Variants in XKR6 observed in about 807,000 individuals in gnomAD.
XKR6 encodes the protein XK-related protein 6.
In XKR6, 22 loss-of-function variants were observed where a neutral mutation model predicts 56.7. That is an observed-to-expected ratio of 0.39 (90% CI 0.28 to 0.55). The LOEUF is 0.55. Ranked by LOEUF, XKR6 falls within the 20% of genes least tolerant of loss-of-function variation. The probability of loss-of-function intolerance (pLI) is 0.66; values close to 1 mark genes in which losing one functional copy is unlikely to be tolerated. For missense variants in XKR6, 852 were observed against 889.0 expected (o/e 0.96, Z 0.53); for synonymous variants, 524 against 387.8 (o/e 1.35, Z -4.13).
intron 1 of XKR6, among the ~76,000 whole-genome samples, chr8:11,085,439 GGTGTGT>G (rs142775403): frequency 6.6e-6 from 1 of 151,096 alleles, no homozygotes; most frequent in Non-Finnish European, 1.5e-5. Context: ...AGGTGAAAGA[GGTGTGT>G]GTGTGTGTGT....
chr8:11,094,756 T>C (rs1798213929), intron 1 of XKR6, among the ~76,000 whole-genome samples: 1 of 152,182 alleles, frequency 6.6e-6, no homozygotes, highest in Non-Finnish European at 1.5e-5. Flanking sequence ...AATGTCATCA[T>C]CAGCATCATC....
chr8:11,166,535 A>G (rs977261246), intron 1 of XKR6, among the ~76,000 whole-genome samples: 1 of 152,118 alleles, frequency 6.6e-6, no homozygotes, highest in South Asian at 2.1e-4. Flanking sequence ...TCTAATATTT[A>G]GTGCATTTAA....
intron 1 of XKR6, among the ~76,000 whole-genome samples, chr8:10,982,228 G>C (rs1586388630): frequency 6.6e-6 from 1 of 152,238 alleles, no homozygotes; most frequent in South Asian, 2.1e-4. Flanking sequence ...AAAGATAAGA[G>C]AACGGCACTT....
chr8:11,127,124 T>G (rs552103825), intron 1 of XKR6, among the ~76,000 whole-genome samples: 10 of 152,176 alleles, frequency 6.6e-5, no homozygotes, highest in Non-Finnish European at 1.3e-4. Context: ...CATCATCACT[T>G]TCATGAATAA....
At chr8:11,199,669 G>C (rs968860639) in intron 1 of XKR6, among the ~76,000 whole-genome samples, 2 of 152,236 alleles carry the variant, frequency 1.3e-5, no homozygotes, top group Admixed American at 1.3e-4. Context: ...AGTTTAGCCA[G>C]TGAGGCAGTC....
chr8:11,151,940 T>A (rs1005676173), intron 1 of XKR6, among the ~76,000 whole-genome samples: 7 of 152,030 alleles, frequency 4.6e-5, no homozygotes, highest in African/African-American at 1.7e-4. Flanking sequence ...CAAGTCCCGT[T>A]CAAAAGGATA....
intron 1 of XKR6, among the ~76,000 whole-genome samples, chr8:11,177,679 T>C (rs747604242): frequency 6.6e-6 from 1 of 152,224 alleles, no homozygotes; most frequent in Non-Finnish European, 1.5e-5. Context: ...AGGTAGATGC[T>C]GAGGTTAGAC....
intron 1 of XKR6, among the ~76,000 whole-genome samples, chr8:10,951,174 G>A (rs1220115244): frequency 6.6e-6 from 1 of 152,168 alleles, no homozygotes; most frequent in African/African-American, 2.4e-5. Flanking sequence ...CCCTGCCCTT[G>A]GAACTCAGTT....
At chr8:10,943,093 A>C (rs944467297) in intron 1 of XKR6, among the ~76,000 whole-genome samples, 2 of 152,166 alleles carry the variant, frequency 1.3e-5, no homozygotes, top group Non-Finnish European at 2.9e-5. Context: ...CCTGCCTGCC[A>C]TTCACTCTGC....
intron 1 of XKR6, among the ~76,000 whole-genome samples, chr8:11,167,073 G>C (rs900107837): frequency 6.6e-6 from 1 of 152,100 alleles, no homozygotes; most frequent in Admixed American, 6.5e-5. Flanking sequence ...ACTACTGCAA[G>C]AGAACAAGGC....
chr8:11,047,288 C>T (rs73196901), intron 1 of XKR6, among the ~76,000 whole-genome samples: 24,306 of 152,166 alleles, frequency 0.16, 2,070 homozygotes, highest in Non-Finnish European at 0.19. Context: ...TTGTCAACTA[C>T]ACCTCAATAA....
rs182888490 is a variant in XKR6 at position 11,113,357 on chromosome 8, C to T, written c.764+87219G>A. Among the ~76,000 whole-genome samples, 4 of 152,126 alleles carry T rather than the reference C, an allele frequency of 2.6e-5. No individual in the cohort carries two copies. In the East Asian group the frequency reaches 7.7e-4, roughly 29 times the overall value. On this transcript the variant is annotated intron_variant, in intron 1 of 2. Coordinates refer to ENST00000416569, the MANE Select transcript of XKR6 (RefSeq NM_173683.4). ...TAAAAGGACATGGTCCATCAGAATA[C>T]ATTTAATAATTAAATAACACTCCCC...
At chr8:10,979,403 C>A (rs532885066) in intron 1 of XKR6, among the ~76,000 whole-genome samples, 2 of 152,174 alleles carry the variant, frequency 1.3e-5, no homozygotes, top group African/African-American at 2.4e-5. Flanking sequence ...GCAGCCAGCA[C>A]GTTCCTGGTT....
At chr8:10,953,631 C>T (rs1341823678) in intron 1 of XKR6, among the ~76,000 whole-genome samples, 1 of 152,186 alleles carries the variant, frequency 6.6e-6, no homozygotes, top group Non-Finnish European at 1.5e-5. Flanking sequence ...GGATCTGGCA[C>T]TATTCATCTT....
At chr8:10,937,704 A>C (rs1455373631) in intron 1 of XKR6, among the ~76,000 whole-genome samples, 7 of 147,998 alleles carry the variant, frequency 4.7e-5, no homozygotes, top group African/African-American at 7.5e-5. Context: ...CCTCCCAGTT[A>C]GGCTGCTCGG....
chr8:11,144,351 G>T (rs766610013), intron 1 of XKR6, among the ~76,000 whole-genome samples: 3 of 150,522 alleles, frequency 2.0e-5, no homozygotes, highest in Non-Finnish European at 4.4e-5. Context: ...AAAGACAGAA[G>T]TGAGAAGTGA....
intron 1 of XKR6, among the ~76,000 whole-genome samples, chr8:11,145,756 T>C (rs1000144577): frequency 2.6e-5 from 4 of 152,200 alleles, no homozygotes; most frequent in East Asian, 1.9e-4. Flanking sequence ...AGGTTTAATA[T>C]TGTCATGATT....
intron 2 of XKR6, among the ~76,000 whole-genome samples, chr8:10,915,729 C>T (rs974276002): frequency 1.3e-4 from 20 of 152,176 alleles, no homozygotes; most frequent in African/African-American, 4.6e-4. Context: ...TTGCTATAGA[C>T]GCCAAGCAGA....
At chr8:10,993,839 A>G (rs1435558547) in intron 1 of XKR6, among the ~76,000 whole-genome samples, 1 of 151,882 alleles carries the variant, frequency 6.6e-6, no homozygotes, top group Non-Finnish European at 1.5e-5. Context: ...GGGGTTCCCT[A>G]CCTCACTCAG....
Sources: allele counts gnomAD v4.1 joint callset (sites outside exome capture counted in the v4.1 genomes callset), GRCh38; gene constraint gnomAD v4.1.1; transcripts MANE v1.5; gene names NCBI Gene and HGNC (gene_info 2026-07-23, HGNC 2026-07-21).